The following DNAH6 variants were observed in gnomAD, a reference collection of about 807,000 sequenced individuals.
DNAH6 encodes the protein axonemal beta dynein heavy chain 6.
DNAH6 carries 340 observed loss-of-function variants against 491.4 expected under a neutral mutation model. The observed-to-expected ratio is 0.69, with a 90% CI of 0.63 to 0.76. The LOEUF (loss-of-function observed/expected upper bound fraction) is 0.76, where lower values mean the gene tolerates loss of function less well. Among genes scored for constraint, DNAH6 ranks in the 30% least tolerant of loss-of-function variants. DNAH6 has a pLI of 0.00. For missense variants in DNAH6, 4,443 were observed against 4,972.2 expected, an observed-to-expected ratio of 0.89 and a Z score of 3.20; for synonymous variants, 1,603 against 1,686.1, an observed-to-expected ratio of 0.95 and a Z score of 1.21.
chr2:84,622,498 C>T (rs905956606), intron 26 of DNAH6, among the ~76,000 whole-genome samples: 3 of 152,114 alleles, frequency 2.0e-5, no homozygotes, highest in Non-Finnish European at 4.4e-5. Context: ...AAGCAATCCT[C>T]CTGCCTTGGC....
chr2:84,589,010 A>T, intron 16 of DNAH6, 56 bp downstream of exon 16: 2 of 1,440,550 alleles, frequency 1.4e-6, no homozygotes, highest in Admixed American at 2.5e-5. Context: ...AATGGCGTAT[A>T]TGCACAAGGA....
intron 64 of DNAH6, among the ~76,000 whole-genome samples, chr2:84,774,991 T>A (rs1218075843): frequency 6.6e-6 from 1 of 152,146 alleles, no homozygotes; most frequent in African/African-American, 2.4e-5. Context: ...TTTGGATGTC[T>A]TTTATTTTTT....
the DNAH6 span, among the ~76,000 whole-genome samples, chr2:84,497,460 G>A: frequency 6.6e-6 from 1 of 152,082 alleles, no homozygotes; most frequent in Admixed American, 6.6e-5. Flanking sequence ...ATTTCGCAAG[G>A]GTAAATACCT....
At chr2:84,549,863 T>C (rs774732763) in intron 8 of DNAH6, 26 bp from the exon 9 acceptor site, 1 of 1,560,140 alleles carries the variant, frequency 6.4e-7, no homozygotes, top group South Asian at 1.2e-5. Flanking sequence ...GAAACCGAAA[T>C]TGTATTAGTT....
intron 67 of DNAH6, among the ~76,000 whole-genome samples, chr2:84,786,756 A>G (rs184746558): frequency 9.5e-4 from 144 of 152,330 alleles, no homozygotes; most frequent in South Asian, 2.1e-3. Context: ...CATAACTGAA[A>G]AATCATGGAC....
the DNAH6 span, among the ~76,000 whole-genome samples, chr2:84,469,466 A>G: frequency 8.5e-5 from 13 of 152,220 alleles, no homozygotes; most frequent in African/African-American, 3.1e-4. This position sits in a 1 kb window ranked among gnomAD's most constrained non-coding sequence, Gnocchi z 4.0. Context: ...CTTTAATCCA[A>G]CCTCTGACGT....
At chr2:84,766,411 C>T (rs972014218) in intron 64 of DNAH6, among the ~76,000 whole-genome samples, 6 of 152,094 alleles carry the variant, frequency 3.9e-5, no homozygotes, top group African/African-American at 1.2e-4. Context: ...CAAAAAAATG[C>T]ACTTCTGCAC....
chr2:84,815,452 C>T (rs920877842), intron 75 of DNAH6, among the ~76,000 whole-genome samples: 1 of 151,708 alleles, frequency 6.6e-6, no homozygotes, highest in East Asian at 1.9e-4. Flanking sequence ...GGGTCTCTCC[C>T]TCTCCCTCTT....
chr2:84,785,528 C>G, intron 66 of DNAH6, 82 bp from the exon 67 acceptor site: 1 of 1,321,024 alleles, frequency 7.6e-7, no homozygotes, highest in Non-Finnish European at 1.0e-6. Flanking sequence ...ATTTCAATGG[C>G]TTCAGTCTAT....
intron 2 of DNAH6, among the ~76,000 whole-genome samples, chr2:84,521,002 T>C (rs906994291): frequency 6.6e-6 from 1 of 152,096 alleles, no homozygotes; most frequent in African/African-American, 2.4e-5. Context: ...CTTTCCACAA[T>C]GGTTGTTATT....
rs1692487313 is a variant in DNAH6, at chr2:84,669,357, A to G, written c.6153A>G (p.Glu2051=). 6.4e-7 allele frequency: 1 copy of G among 1,551,858 alleles called. No individual in the cohort carries two copies. Among genetic ancestry groups the G allele is most frequent in the Non-Finnish European group, 8.7e-7 (1 of 1,146,988 alleles). Residue 2051 remains glutamate, a synonymous_variant, in exon 38 of 77, where the codon GAA becomes GAG. Coordinates refer to ENST00000389394, the MANE Select transcript of DNAH6 (RefSeq NM_001370.2). ...DFDTKRLDPW[E]RIIPTFKYNR... ...ACACCAAACGGCTGGATCCCTGGGA[A>G]CGAATCATACCTACTTTCAAATACA...
At chr2:84,496,414 G>A in the DNAH6 span, among the ~76,000 whole-genome samples, 42 of 151,906 alleles carry the variant, frequency 2.8e-4, no homozygotes, top group African/African-American at 9.2e-4. Context: ...TATATATTCT[G>A]GGCTTACAAA....
chr2:84,641,879 C>T, intron 32 of DNAH6, 68 bp from the exon 33 acceptor site: 1 of 1,325,124 alleles, frequency 7.5e-7, no homozygotes, highest in Non-Finnish European at 1.0e-6. Flanking sequence ...GCCCTCCCCA[C>T]AGGTTTAGAA....
At chr2:84,658,172 A>G (rs1691156586) in intron 35 of DNAH6, 120 bp from the exon 36 acceptor site, 1 of 609,776 alleles carries the variant, frequency 1.6e-6, no homozygotes, top group Admixed American at 3.8e-5. Context: ...TGTGATAGTT[A>G]TAGCCTTTGG....
At chr2:84,589,904 C>G (rs1482030830) in intron 16 of DNAH6, among the ~76,000 whole-genome samples, 5 of 151,832 alleles carry the variant, frequency 3.3e-5, no homozygotes, top group Non-Finnish European at 5.9e-5. Context: ...AAGGAAGATG[C>G]CATTGGTCTC....
chr2:84,550,256 G>A (rs550673366), intron 9 of DNAH6, among the ~76,000 whole-genome samples, 199 bp downstream of exon 9: 2 of 152,224 alleles, frequency 1.3e-5, no homozygotes, highest in African/African-American at 2.4e-5. Context: ...GGATGATTTC[G>A]GGATGAAACT....
At chr2:84,681,679 C>G (rs1021644687) in intron 42 of DNAH6, among the ~76,000 whole-genome samples, 151 bp downstream of exon 42, 1 of 151,788 alleles carries the variant, frequency 6.6e-6, no homozygotes, top group Non-Finnish European at 1.5e-5. Flanking sequence ...TGCTTCACAA[C>G]TATTTCACAT....
intron 37 of DNAH6, among the ~76,000 whole-genome samples, chr2:84,665,478 A>G (rs1392510927): frequency 1.1e-4 from 17 of 152,276 alleles, no homozygotes; most frequent in African/African-American, 3.6e-4. Context: ...ACACCTCTAC[A>G]CAAATAAACT....
rs138593657 is a variant in DNAH6, at chr2:84,731,396, C to G, written c.10207-2048C>G. ...GCCTCCACTGAGGAGACTGAGGCTCCACGTTTGGTGCAGCATCACTGTTGT... is the reference window on the plus strand; with the variant it reads ...GCCTCCACTGAGGAGACTGAGGCTCGACGTTTGGTGCAGCATCACTGTTGT... On this transcript the variant is annotated intron_variant, in intron 61 of 76. Transcript: ENST00000389394. 9.2e-5 allele frequency among the ~76,000 whole-genome samples: 14 copies of G among 152,350 alleles called. No homozygotes were observed. In the East Asian group the frequency reaches 2.7e-3, roughly 29 times the overall value.
Sources: gnomAD v4.1 joint callset for allele counts (sites outside exome capture counted in the v4.1 genomes callset) on GRCh38, gnomAD v4.1.1 for gene constraint, Gnocchi (gnomAD v3.1) non-coding constraint, MANE v1.5 for transcripts, NCBI Gene and HGNC (gene_info 2026-07-23, HGNC 2026-07-21) for gene names.